Variants in CSNK2A2 observed in about 807,000 individuals in gnomAD.
CSNK2A2 encodes casein kinase II subunit alpha'.
Under a neutral mutation model 54.0 loss-of-function variants are expected in CSNK2A2, and 8 were observed. That is an observed-to-expected ratio of 0.15 (90% confidence interval 0.09 to 0.27). The LOEUF is 0.27. CSNK2A2 is among the 10% of genes least tolerant of loss of function. The pLI is 1.00. For missense variants in CSNK2A2, 242 were observed against 439.4 expected (o/e 0.55, Z 4.02); for synonymous variants, 141 against 153.9 (o/e 0.92, Z 0.62).
intron 6 of CSNK2A2, 119 bp downstream of exon 6, chr16:58,168,490 TA>T (rs1961635139): frequency 1.7e-5 from 11 of 665,906 alleles, no homozygotes; most frequent in Non-Finnish European, 2.6e-5. Context: ...GAAATCACAG[TA>T]ACGAAAGTTT....
intron 11 of CSNK2A2, chr16:58,163,407 A>G (rs1961455024): frequency 6.6e-6 from 1 of 152,160 alleles, no homozygotes; most frequent in African/African-American, 2.4e-5. Context: ...ATGGCATTGC[A>G]AGGTTTCGTG....
intron 2 of CSNK2A2, among the ~76,000 whole-genome samples, chr16:58,195,036 T>C (rs989312877): frequency 1.3e-5 from 2 of 152,194 alleles, no homozygotes; most frequent in East Asian, 1.9e-4. Flanking sequence ...TTCATTCTTC[T>C]GAATATACAG....
At chr16:58,194,463 G>A (rs1567474568) in intron 2 of CSNK2A2, among the ~76,000 whole-genome samples, 2 of 152,176 alleles carry the variant, frequency 1.3e-5, no homozygotes, top group South Asian at 4.2e-4. Context: ...AAATGCCACC[G>A]GGCTTTAAAA....
intron 6 of CSNK2A2, among the ~76,000 whole-genome samples, chr16:58,168,381 C>A (rs1961631530): frequency 6.6e-6 from 1 of 152,130 alleles, no homozygotes; most frequent in Non-Finnish European, 1.5e-5. Flanking sequence ...AAACTATGAC[C>A]AAAATAAACA....
At chr16:58,178,054 C>T (rs963715505) in intron 4 of CSNK2A2, among the ~76,000 whole-genome samples, 5 of 152,094 alleles carry the variant, frequency 3.3e-5, no homozygotes, top group Non-Finnish European at 7.4e-5. Flanking sequence ...CAATTTGTTT[C>T]TCCAATTAAG....
chr16:58,182,374 C>CAAAAAAAAAAAAAAAAAAAAAAAAA, intron 4 of CSNK2A2, among the ~76,000 whole-genome samples: 1 of 25,738 alleles, frequency 3.9e-5, no homozygotes, highest in Non-Finnish European at 6.3e-5. Context: ...CTAAATATAC[C>CAAAAAAAAAAAAAAAAAAAAAAAAA]AAAAAAAAAA....
intron 5 of CSNK2A2, among the ~76,000 whole-genome samples, chr16:58,173,743 C>T (rs1416940304): frequency 6.6e-6 from 1 of 152,250 alleles, no homozygotes; most frequent in African/African-American, 2.4e-5. Context: ...GTAGGCATGT[C>T]TCTCTATAAT....
intron 11 of CSNK2A2, 140 bp downstream of exon 11, chr16:58,163,913 CT>C: frequency 1.5e-6 from 1 of 645,488 alleles, no homozygotes; most frequent in Non-Finnish European, 2.6e-6. Context: ...TTCTTTCTTG[CT>C]TTTTGACAGA....
At chr16:58,183,059 T>C (rs1287387881) in intron 4 of CSNK2A2, among the ~76,000 whole-genome samples, 1 of 151,872 alleles carries the variant, frequency 6.6e-6, no homozygotes, top group African/African-American at 2.4e-5. Context: ...CATTTTAGAG[T>C]GATTAAGAAA....
At chr16:58,189,254 C>T (rs1220973782) in intron 2 of CSNK2A2, among the ~76,000 whole-genome samples, 2 of 152,162 alleles carry the variant, frequency 1.3e-5, no homozygotes, top group Admixed American at 1.3e-4. Flanking sequence ...CTGCGCCCGG[C>T]CAAAGCTGGC....
At chr16:58,190,744 T>A (rs184368564) in intron 2 of CSNK2A2, among the ~76,000 whole-genome samples, 1 of 152,158 alleles carries the variant, frequency 6.6e-6, no homozygotes, top group Admixed American at 6.5e-5. Context: ...AGAAAAGAAG[T>A]GTTGGCAAGG....
intron 5 of CSNK2A2, among the ~76,000 whole-genome samples, chr16:58,170,199 ACTC>A (rs1377719972): frequency 1.3e-5 from 2 of 150,552 alleles, no homozygotes; most frequent in African/African-American, 4.9e-5. Flanking sequence ...CATCTCCATC[ACTC>A]CTAAAATTTT....
intron 3 of CSNK2A2, among the ~76,000 whole-genome samples, chr16:58,185,740 C>T (rs1297168004): frequency 6.6e-6 from 1 of 152,210 alleles, no homozygotes; most frequent in African/African-American, 2.4e-5. Context: ...TCAGTCTTCT[C>T]AGGGTCCAGA....
intron 5 of CSNK2A2, among the ~76,000 whole-genome samples, chr16:58,171,449 G>A (rs929934113): frequency 6.6e-6 from 1 of 152,008 alleles, no homozygotes. Context: ...CTTGAACCCG[G>A]GAGGTGGAGG....
At chr16:58,174,590 C>A (rs1961828594) in intron 4 of CSNK2A2, 80 bp from the exon 5 acceptor site, 5 of 1,104,890 alleles carry the variant, frequency 4.5e-6, no homozygotes, top group Non-Finnish European at 6.7e-6. Context: ...ATTCTCTAAG[C>A]TTATTTGATA....
intron 2 of CSNK2A2, among the ~76,000 whole-genome samples, chr16:58,193,544 T>C (rs1042114063): frequency 6.6e-6 from 1 of 152,198 alleles, no homozygotes; most frequent in Non-Finnish European, 1.5e-5. Context: ...TTAAAAATAG[T>C]GTTGCTCTTA....
rs867358298 is a variant in CSNK2A2 at position 58,198,088 on chromosome 16, C to T, written c.-352G>A. 2.2e-3 allele frequency among the ~76,000 whole-genome samples: 328 copies of T among 146,528 alleles called. No individual in the cohort carries two copies. Among genetic ancestry groups the T allele is most frequent in the Middle Eastern group, 3.4e-3 (1 of 290 alleles). The stretch of plus-strand genomic sequence containing the variant: ...GGGAAAGGGGCAGCGGCGGCGGCAG[C>T]GGAGAAGAAGGAGGAGAGGAGGAGG... On this transcript the variant is annotated 5_prime_UTR_variant, in exon 1 of 12. Transcript: ENST00000262506.
At chr16:58,196,652 T>C (rs1962460345) in intron 2 of CSNK2A2, 81 bp downstream of exon 2, 2 of 841,476 alleles carry the variant, frequency 2.4e-6, no homozygotes, top group Non-Finnish European at 4.2e-6. Flanking sequence ...GCATTGCCCA[T>C]TATAGAATGT....
In CSNK2A2 at chr16:58,166,547, G is replaced by A. The variant is rs372935412; in HGVS notation, c.827+37C>T. On this transcript the variant is annotated intron_variant, in intron 9 of 11. Coordinates refer to ENST00000262506, the MANE Select transcript of CSNK2A2 (RefSeq NM_001896.4). ...GCTAACCTTTCCACTTCTGAAACGGGGTAAGGTAAAGCACTCTCTCTCTCT... is the reference window on the plus strand; with the variant it reads ...GCTAACCTTTCCACTTCTGAAACGGAGTAAGGTAAAGCACTCTCTCTCTCT... 1.5e-5 allele frequency: 21 copies of A among 1,420,146 alleles called. 1 individual carries two copies. Among genetic ancestry groups the A allele is most frequent in the Non-Finnish European group, 2.1e-5 (21 of 1,006,946 alleles). The allele number at this position is 1,420,146 out of a possible 1,614,324, so 88.0% of individuals were successfully genotyped here. A position where few individuals can be genotyped will look rare whatever the true frequency, so the allele number is the denominator to read the frequency against.
Sources: allele counts gnomAD v4.1 joint callset (sites outside exome capture counted in the v4.1 genomes callset), GRCh38; gene constraint gnomAD v4.1.1; transcripts MANE v1.5; gene names NCBI Gene and HGNC (gene_info 2026-07-23, HGNC 2026-07-21).